The following NAIP variants were observed in gnomAD, a reference collection of about 807,000 sequenced individuals.
The protein encoded by NAIP is baculoviral IAP repeat-containing protein 1.
Under a neutral mutation model 23.0 loss-of-function variants are expected in NAIP, and 15 were observed. That is an observed-to-expected ratio of 0.65 (90% CI 0.44 to 1.00). NAIP has a LOEUF of 1.00. Among genes scored for constraint, NAIP ranks in the 50% least tolerant of loss-of-function variants. NAIP has a pLI of 0.00. For synonymous variants in NAIP, 100 were observed against 100.2 expected (o/e 1.00, Z 0.01); for missense variants, 265 against 278.8 (o/e 0.95, Z 0.35).
chr5:71,007,001 AC>A (rs1322706335), intron 5 of NAIP, among the ~76,000 whole-genome samples: 1 of 92,302 alleles, frequency 1.1e-5, no homozygotes, highest in Non-Finnish European at 2.5e-5. Context: ...GCCCCTCCAG[AC>A]AGGATGTGCG....
Position 71,011,325 on chromosome 5 carries a change from A to G in NAIP, c.618T>C (p.Asn206=), listed in dbSNP as rs756973213. The G allele has an allele frequency of 6.2e-7, 1 of 1,607,092 alleles. No individual in the cohort carries two copies. The highest frequency in any genetic ancestry group is 1.1e-5 in the South Asian group (1 of 89,972). Residue 206 remains asparagine (N), a synonymous_variant, in exon 5 of 17, where the codon AAT becomes AAC. Transcript: ENST00000517649. ...TCCAAGGATCATCTCCTTCTTCCCA[A>G]TTTCCTAAACATCCACCACAGGAAA... ...QCFSCGGCLG[N]WEEGDDPWKE... is the part of the protein sequence containing the mutation.
Position 71,012,823 on chromosome 5 carries a change from T to C in NAIP, c.93A>G (p.Ala31=), listed in dbSNP as rs1371201043. 6.2e-7 allele frequency: 1 copy of C among 1,612,026 alleles called. No homozygotes were observed. The highest frequency in any genetic ancestry group is 8.5e-7 in the Non-Finnish European group (1 of 1,178,546). The part of the protein sequence containing the change: ...PELSALLGLD[A]VQLAKELEEE... ...CTTCTAGTTCCTTTGCCAACTGAAC[T>C]GCATCTAGGCCCAGAAGAGCAGACA... is the stretch of plus-strand genomic sequence containing the variant. Residue 31 remains alanine (A), a synonymous_variant, in exon 4 of 17, where the codon GCA becomes GCG. Transcript: ENST00000517649.
At chr5:71,012,227 T>C (rs1751192870) in intron 4 of NAIP, 121 bp downstream of exon 4, 1 of 841,274 alleles carries the variant, frequency 1.2e-6, no homozygotes, top group Admixed American at 3.0e-5. Context: ...CTAGACCTTA[T>C]ACCTAATATA....
At chr5:70,977,847 T>G (rs1394289772) in intron 13 of NAIP, among the ~76,000 whole-genome samples, 2 of 113,100 alleles carry the variant, frequency 1.8e-5, no homozygotes, top group Non-Finnish European at 4.0e-5. Flanking sequence ...ATTAAAAAAT[T>G]AGCCGGGCAT....
rs981297751 is a variant in NAIP, at chr5:71,012,593, C to T, written c.323G>A (p.Gly108Asp). 6 of 1,611,764 alleles carry T rather than the reference C, an allele frequency of 3.7e-6. No individual in the cohort carries two copies. The African/African-American group carries it at 8.0e-5, about 22-fold the overall frequency. Reference protein sequence around the residue: ...FCCSLILFGAGLTRLPIEDHK... With the variant: ...FCCSLILFGADLTRLPIEDHK... ...GTCTTCTATGGGGAGTCTCGTGAGG[C>T]CGGCACCAAAGAGGATTAGGCTACA... The change falls in exon 4 of 17, where the codon GGC becomes GAC. Residue 108 changes from glycine (G) to aspartate (D), a missense_variant. Around this residue, in one of 2 missense-constraint regions of NAIP, gnomAD observed 261 missense variants for 259.2 expected, o/e 1.01. Transcript: ENST00000517649.
At chr5:71,013,426 C>T (rs1048518142) in intron 3 of NAIP, among the ~76,000 whole-genome samples, 7 of 150,838 alleles carry the variant, frequency 4.6e-5, no homozygotes, top group Non-Finnish European at 8.9e-5. Flanking sequence ...ATCACGAGGT[C>T]AGGAGATGGA....
intron 4 of NAIP, chr5:71,011,683 C>T (rs926025157): frequency 4.2e-6 from 2 of 473,784 alleles, no homozygotes; most frequent in African/African-American, 3.9e-5. Flanking sequence ...CCAGGACCAG[C>T]TGAAGTAACG....
At position 71,008,825 on chromosome 5, in the gene NAIP, A is replaced by C. The variant is rs1299752398; in HGVS notation, c.668+2450T>G. 2.9e-5 allele frequency among the ~76,000 whole-genome samples: 4 copies of C among 136,632 alleles called. No homozygotes were observed. In the South Asian group the frequency reaches 6.6e-4, roughly 23 times the overall value. The allele number at this position is 136,632 out of a possible 152,430, so 89.6% of individuals were successfully genotyped here. On this transcript the variant is annotated intron_variant, in intron 5 of 16. Coordinates refer to ENST00000517649, the MANE Select transcript of NAIP (RefSeq NM_004536.3). ...ACAAAAAAAAAAAAAAAAAAGAAAG[A>C]AAGAAAGAAAATAGAATCTGAGCCT...
chr5:70,972,841 CATAAGGAGGAAGAAACAAGGCCTTTAAGA>C lies in NAIP; in HGVS notation c.3847+1259_3847+1287del, dbSNP rs1329858239. Among the ~76,000 whole-genome samples the C allele has an allele frequency of 6.0e-4, 42 of 69,882 alleles. No homozygotes were observed. In the South Asian group the frequency reaches 0.024, roughly 39 times the overall value. The allele number at this position is 69,882 out of a possible 152,430, so 45.8% of individuals were successfully genotyped here. The stretch of plus-strand genomic sequence containing the variant: ...AATTTAATGTTATTAAATTCTTCCT[CATAAGGAGGAAGAAACAAGGCCTTTAAGA>C]AAAAGGTTGTAAGTTGTCATTGTTT... On this transcript the variant is annotated intron_variant, in intron 16 of 16. Transcript: ENST00000517649.
chr5:71,010,117 T>G (rs1053478739), intron 5 of NAIP, among the ~76,000 whole-genome samples: 2 of 151,570 alleles, frequency 1.3e-5, no homozygotes, highest in Non-Finnish European at 2.9e-5. Context: ...ACTTATTTAA[T>G]TAGTTTTAGA....
At position 71,012,781 on chromosome 5, in the gene NAIP, C is replaced by T. The variant is rs1309393174; in HGVS notation, c.135G>A (p.Glu45=). Reference sequence around the variant, plus strand: ...TGTAGCCTTTCTGCATTTTTGCTCGCTCCTTCTGCTCCTCTTCTTCTAGTT... The same window carrying T: ...TGTAGCCTTTCTGCATTTTTGCTCGTTCCTTCTGCTCCTCTTCTTCTAGTT... ...AKELEEEEQK[E]RAKMQKGYNS... is the part of the protein sequence containing the mutation. Residue 45 remains glutamate, a synonymous_variant, in exon 4 of 17, where the codon GAG becomes GAA. Transcript: ENST00000517649. 6.2e-7 allele frequency: 1 copy of T among 1,611,886 alleles called. No homozygotes were observed. The highest frequency in any genetic ancestry group is 8.5e-7 in the Non-Finnish European group (1 of 1,178,538).
chr5:71,009,357 A>C (rs1751034233), intron 5 of NAIP, among the ~76,000 whole-genome samples: 1 of 97,616 alleles, frequency 1.0e-5, no homozygotes, highest in Non-Finnish European at 2.3e-5. Context: ...AGCAAAACTC[A>C]CTCTCAAAAA....
Position 71,011,341 on chromosome 5 carries a change from C to A in NAIP, c.602G>T (p.Gly201Val), listed in dbSNP as rs780390257. The A allele has an allele frequency of 6.2e-7, 1 of 1,606,404 alleles. No homozygotes were observed. The highest frequency in any genetic ancestry group is 1.7e-5 in the Admixed American group (1 of 59,150). Residue 201 changes from glycine (G) to valine (V), a missense_variant, in exon 5 of 17, where the codon GGT becomes GTT. Physicochemically the swap from Gly to Val is moderately radical, Grantham distance 109. This residue lies in a region of NAIP where 261 missense variants were observed against 259.2 expected (regional missense o/e 1.01). Coordinates refer to ENST00000517649, the MANE Select transcript of NAIP (RefSeq NM_004536.3). ...KQDTVQCFSC[G>V]GCLGNWEEGD... Reference sequence around the variant, plus strand: ...TTCTTCCCAATTTCCTAAACATCCACCACAGGAAAAACACTGTACCGTGTC... The same window carrying A: ...TTCTTCCCAATTTCCTAAACATCCAACACAGGAAAAACACTGTACCGTGTC...
chr5:70,996,716 C>T (rs62372681), intron 9 of NAIP, among the ~76,000 whole-genome samples: 67,247 of 123,990 alleles, frequency 0.54, 18,891 homozygotes, highest in East Asian at 0.8. Flanking sequence ...ATGGCATGAA[C>T]CCAGGAGGCG....
At chr5:71,008,101 G>A (rs1160457091) in intron 5 of NAIP, among the ~76,000 whole-genome samples, 1 of 126,266 alleles carries the variant, frequency 7.9e-6, no homozygotes, top group Non-Finnish European at 1.6e-5. Flanking sequence ...ATGGAGTCTC[G>A]CTGTGTTGAC....
chr5:71,010,742 A>G (rs1751112197), intron 5 of NAIP, among the ~76,000 whole-genome samples: 1 of 151,262 alleles, frequency 6.6e-6, no homozygotes, highest in Non-Finnish European at 1.5e-5. Context: ...ACTGGGCAAA[A>G]CCTATCTTAG....
At chr5:71,008,100 C>T (rs1386801629) in intron 5 of NAIP, among the ~76,000 whole-genome samples, 2 of 127,860 alleles carry the variant, frequency 1.6e-5, no homozygotes, top group African/African-American at 5.9e-5. Flanking sequence ...GATGGAGTCT[C>T]GCTGTGTTGA....
Position 71,012,745 on chromosome 5 carries a change from C to A in NAIP, c.171G>T (p.Met57Ile). The A allele has an allele frequency of 6.2e-7, 1 of 1,611,944 alleles. No individual in the cohort carries two copies. The highest frequency in any genetic ancestry group is 8.5e-7 in the Non-Finnish European group (1 of 1,178,508). ...TCTTTAACCTTTTTGCTTCACTGCG[C>A]ATTTGAGAGTTGTAGCCTTTCTGCA... is the stretch of plus-strand genomic sequence containing the variant. ...AKMQKGYNSQ[M>I]RSEAKRLKTF... Residue 57 changes from methionine (M) to isoleucine (I), a missense_variant, in exon 4 of 17, where the codon ATG (methionine) becomes ATT (isoleucine). Met to Ile is a conservative substitution (Grantham distance 10, BLOSUM62 1). This residue lies in a region of NAIP where 261 missense variants were observed against 259.2 expected (regional missense o/e 1.01). Transcript: ENST00000517649.
At chr5:70,978,149 ATTT>A (rs71223138) in intron 13 of NAIP, among the ~76,000 whole-genome samples, 2,164 of 22,158 alleles carry the variant, frequency 0.098, 3 homozygotes, top group African/African-American at 0.17. Flanking sequence ...ATATATATAT[ATTT>A]TTTTTTTTTT....
Sources: allele counts gnomAD v4.1 joint callset (sites outside exome capture counted in the v4.1 genomes callset), GRCh38; gene constraint gnomAD v4.1.1; regional missense constraint gnomAD v4.1.1; transcripts MANE v1.5; gene names NCBI Gene and HGNC (gene_info 2026-07-23, HGNC 2026-07-21).